Variants in EP400 observed in about 807,000 individuals in gnomAD.
EP400 encodes the protein E1A binding protein p400, also known as E1A-binding protein p400.
EP400 carries 105 observed loss-of-function variants against 354.1 expected under a neutral mutation model. The observed-to-expected ratio is 0.30, with a 90% CI of 0.25 to 0.35. The LOEUF (loss-of-function observed/expected upper bound fraction) is 0.35. EP400 is among the 10% of genes least tolerant of loss of function. The pLI, the probability that EP400 is intolerant of heterozygous loss-of-function variation, is 1.00. For missense variants in EP400, 3,280 were observed against 4,121.0 expected (o/e 0.80, Z 5.59); for synonymous variants, 1,646 against 1,716.9 (o/e 0.96, Z 1.02).
intron 2 of EP400, among the ~76,000 whole-genome samples, chr12:131,965,640 A>T (rs113269776): frequency 3.5e-4 from 53 of 152,190 alleles, no homozygotes; most frequent in African/African-American, 1.2e-3. Context: ...TCAACCCTTC[A>T]CGCCTCCCTT....
At chr12:132,016,822 G>A (rs539747063) in intron 19 of EP400, among the ~76,000 whole-genome samples, 42 of 152,328 alleles carry the variant, frequency 2.8e-4, no homozygotes, top group Non-Finnish European at 3.5e-4. Context: ...GTTTTAGGGT[G>A]TGCGCCACCA....
chr12:132,056,123 CT>C (rs1895507460), intron 45 of EP400, among the ~76,000 whole-genome samples: 2 of 152,024 alleles, frequency 1.3e-5, no homozygotes, highest in Non-Finnish European at 2.9e-5. Flanking sequence ...CCACCTGCTT[CT>C]CTTGGGTGTT....
chr12:132,054,878 T>C lies in EP400; in HGVS notation c.7729-96T>C. 7.7e-7 allele frequency: 1 copy of C among 1,296,918 alleles called. No individual in the cohort carries two copies. Among genetic ancestry groups the C allele is most frequent in the East Asian group, 2.3e-5 (1 of 43,232 alleles). 80.3% of individuals were successfully genotyped at this position (1,296,918 alleles called of 1,614,324 possible). A position where few individuals can be genotyped will look rare whatever the true frequency, so the allele number is the denominator to read the frequency against. ...AGGTGGCTGTGTGAATGTCGTGGAG[T>C]TTGGATTTGATTCTGAATGAAGTGG... On this transcript the variant is annotated intron_variant, in intron 43 of 52. Coordinates refer to ENST00000389561, the MANE Select transcript of EP400 (RefSeq NM_015409.5). This position sits in a 1 kb window ranked among gnomAD's most constrained non-coding sequence, Gnocchi z 4.0.
chr12:131,981,491 C>T lies in EP400; in HGVS notation c.1438C>T (p.Gln480Ter). The T allele has an allele frequency of 1.3e-6, 2 of 1,566,512 alleles. No individual in the cohort carries two copies. The highest frequency in any genetic ancestry group is 1.7e-6 in the Non-Finnish European group (2 of 1,154,860). ...QAMPSTGMAE[Q>*]SKRPRLEVGH... The stretch of plus-strand genomic sequence containing the variant: ...ACCTTTTTTGAAAATTATTCTAGAG[C>T]AGTCTAAGAGGCCTCGCCTTGAAGT... The change falls in exon 4 of 53, where the codon CAG becomes TAG. Residue 480 changes from glutamine (Q) to a stop codon, truncating the protein, a stop_gained and splice_region_variant. Coordinates refer to ENST00000389561, the MANE Select transcript of EP400 (RefSeq NM_015409.5). LOFTEE classifies it high-confidence loss of function.
In EP400 at chr12:132,050,012, T is replaced by C. The variant is rs1022957429; in HGVS notation, c.7201-311T>C. Among the ~76,000 whole-genome samples the C allele has an allele frequency of 5.9e-5, 9 of 152,232 alleles. No homozygotes were observed. Among genetic ancestry groups the C allele is most frequent in the Non-Finnish European group, 1.0e-4 (7 of 68,050 alleles). On this transcript the variant is annotated intron_variant, in intron 39 of 52. Transcript: ENST00000389561. The surrounding 1 kb of genome is among the most constrained non-coding windows in gnomAD (Gnocchi z 4.8). ...GCCCGCTCCACACAGTCACCTGCCA[T>C]GTGACCTTGGGCACTTTGCACACCT...
chr12:131,951,371 T>TG lies in EP400; in HGVS notation c.-36+1339dup, dbSNP rs765916560. ...CCGGCCAATTTTTTATTATTTGAGTTGGGGTCTTGCTGTGTTGCTCAGGCT... is the reference window on the plus strand; with the variant it reads ...CCGGCCAATTTTTTATTATTTGAGTTGGGGGTCTTGCTGTGTTGCTCAGGCT... On this transcript the variant is annotated intron_variant, in intron 1 of 52. Coordinates refer to ENST00000389561, the MANE Select transcript of EP400 (RefSeq NM_015409.5). Among the ~76,000 whole-genome samples the TG allele has an allele frequency of 1.5e-4, 23 of 151,088 alleles. No individual in the cohort carries two copies. The East Asian group carries it at 2.9e-3, about 19-fold the overall frequency.
At chr12:131,992,326 A>G (rs1593331662) in intron 11 of EP400, 96 bp downstream of exon 11, 1 of 1,164,104 alleles carries the variant, frequency 8.6e-7, no homozygotes, top group Non-Finnish European at 1.2e-6. Context: ...TGTCATCTTC[A>G]GCTGGTTGGA....
chr12:132,018,008 A>G lies in EP400; in HGVS notation c.4111-202A>G, dbSNP rs181590668. The stretch of plus-strand genomic sequence containing the variant: ...TGTGGGCTGTGAGAAGTAGCTGAGC[A>G]TGCACGCTCATCAGCAGAGCTTCAC... On this transcript the variant is annotated intron_variant, in intron 20 of 52. Coordinates refer to ENST00000389561, the MANE Select transcript of EP400 (RefSeq NM_015409.5). This position sits in a 1 kb window ranked among gnomAD's most constrained non-coding sequence, Gnocchi z 4.0. 2.9e-3 allele frequency among the ~76,000 whole-genome samples: 445 copies of G among 152,290 alleles called. 4 individuals are homozygous for G. The highest frequency in any genetic ancestry group is 0.01 in the African/African-American group (431 of 41,552).
chr12:131,992,853 G>A (rs912214360), intron 11 of EP400, among the ~76,000 whole-genome samples: 1 of 152,162 alleles, frequency 6.6e-6, no homozygotes, highest in African/African-American at 2.4e-5. Flanking sequence ...TTTCTCCTTC[G>A]GCTCTTTGAT....
In EP400 at chr12:132,067,247, A is replaced by T; in HGVS notation, c.8750-115A>T. The T allele has an allele frequency of 6.9e-7, 1 of 1,455,466 alleles. No individual in the cohort carries two copies. Among genetic ancestry groups the T allele is most frequent in the Admixed American group, 2.2e-5 (1 of 45,000 alleles). The allele number at this position is 1,455,466 out of a possible 1,614,324, so 90.2% of individuals were successfully genotyped here. A position where few individuals can be genotyped will look rare whatever the true frequency, so the allele number is the denominator to read the frequency against. ...GTTAAGGGATGGCTTACTTGTCTCC[A>T]TAGAGTTTCATAGTTTGTTATTTTC... On this transcript the variant is annotated intron_variant, in intron 49 of 52. Coordinates refer to ENST00000389561, the MANE Select transcript of EP400 (RefSeq NM_015409.5). This position sits in a 1 kb window ranked among gnomAD's most constrained non-coding sequence, Gnocchi z 5.3.
At chr12:131,980,634 C>G (rs1244780946) in intron 3 of EP400, among the ~76,000 whole-genome samples, 1 of 152,180 alleles carries the variant, frequency 6.6e-6, no homozygotes, top group Admixed American at 6.5e-5. Flanking sequence ...CAGCCTCTAC[C>G]TCCCAGGCTT....
intron 22 of EP400, among the ~76,000 whole-genome samples, chr12:132,020,547 T>C (rs1010228161): frequency 1.3e-5 from 2 of 152,226 alleles, no homozygotes; most frequent in African/African-American, 4.8e-5. Context: ...TCTGCTCATA[T>C]TGTATTTTGT....
intron 15 of EP400, among the ~76,000 whole-genome samples, chr12:132,011,230 G>A (rs541001814): frequency 1.3e-5 from 2 of 152,270 alleles, no homozygotes; most frequent in East Asian, 3.9e-4. Context: ...GTCTTCTTGG[G>A]ACTGCTCGTT....
chr12:132,037,945 G>C lies in EP400; in HGVS notation c.6064-8G>C, dbSNP rs1894771659. ...GTACTGGGGAGTAACACACATCTCT[G>C]TGTTCAGCGAACCATCCAGGAGCTG... On this transcript the variant is annotated splice_polypyrimidine_tract_variant and splice_region_variant and intron_variant, in intron 31 of 52. Coordinates refer to ENST00000389561, the MANE Select transcript of EP400 (RefSeq NM_015409.5). The C allele has an allele frequency of 4.3e-6, 7 of 1,614,052 alleles. No homozygotes were observed. The highest frequency in any genetic ancestry group is 1.1e-5 in the South Asian group (1 of 91,090).
At chr12:132,074,826 G>A (rs1283833758) in intron 51 of EP400, among the ~76,000 whole-genome samples, 2 of 152,156 alleles carry the variant, frequency 1.3e-5, no homozygotes, top group Non-Finnish European at 2.9e-5. Context: ...ATAATGCCTG[G>A]TCTTTGTTTA....
In EP400 at chr12:132,025,865, G is replaced by T. The variant is rs1894287543; in HGVS notation, c.5014+61G>T. Reference sequence around the variant, plus strand: ...GATGCTTCTTTCTCTTCCATCTAAGGCGAGTGGAAAGCATTCATGTGTCTT... The same window carrying T: ...GATGCTTCTTTCTCTTCCATCTAAGTCGAGTGGAAAGCATTCATGTGTCTT... On this transcript the variant is annotated intron_variant, in intron 25 of 52. Coordinates refer to ENST00000389561, the MANE Select transcript of EP400 (RefSeq NM_015409.5). This position sits in a 1 kb window ranked among gnomAD's most constrained non-coding sequence, Gnocchi z 4.1. 8 of 1,490,446 alleles carry T rather than the reference G, an allele frequency of 5.4e-6. No individual in the cohort carries two copies. Among genetic ancestry groups the T allele is most frequent in the African/African-American group, 1.4e-5 (1 of 71,962 alleles). 92.3% of individuals were successfully genotyped at this position (1,490,446 alleles called of 1,614,324 possible).
intron 16 of EP400, among the ~76,000 whole-genome samples, chr12:132,012,299 A>G (rs1893792717): frequency 3.3e-5 from 5 of 152,186 alleles, no homozygotes. Context: ...ATAGAAATTT[A>G]TTTCTCACAG....
At chr12:132,019,972 C>T in intron 21 of EP400, 77 bp from the exon 22 acceptor site, 3 of 1,421,068 alleles carry the variant, frequency 2.1e-6, no homozygotes, top group Non-Finnish European at 2.8e-6. Context: ...AGCGGTGAAC[C>T]CCGGCTCCAT....
Position 132,013,883 on chromosome 12 carries a change from C to G in EP400, c.3893C>G (p.Ala1298Gly). The G allele has an allele frequency of 6.2e-7, 1 of 1,614,228 alleles. No individual in the cohort carries two copies. The highest frequency in any genetic ancestry group is 8.5e-7 in the Non-Finnish European group (1 of 1,180,040). The change falls in exon 19 of 53, where the codon GCC (alanine) becomes GGC (glycine). Residue 1298 changes from alanine to glycine, a missense_variant. By Grantham distance (60) the Ala-to-Gly change is moderately conservative. This residue lies in a region of EP400 where 242 missense variants were observed against 357.9 expected (regional missense o/e 0.68). Coordinates refer to ENST00000389561, the MANE Select transcript of EP400 (RefSeq NM_015409.5). This position sits in a 1 kb window ranked among gnomAD's most constrained non-coding sequence, Gnocchi z 4.5. ...TGTCGCCTTTCTAACCGACAAAAAG[C>G]CTTATACGAGGACGTTATCCTGCAA... is the stretch of plus-strand genomic sequence containing the variant. ...LKCRLSNRQKALYEDVILQPG... is the reference protein window; with the variant it reads ...LKCRLSNRQKGLYEDVILQPG...
Sources: gnomAD v4.1 joint callset for allele counts (sites outside exome capture counted in the v4.1 genomes callset) on GRCh38, gnomAD v4.1.1 for gene constraint, gnomAD v4.1.1 regional missense constraint, Gnocchi (gnomAD v3.1) non-coding constraint, MANE v1.5 for transcripts, NCBI Gene and HGNC (gene_info 2026-07-23, HGNC 2026-07-21) for gene names.